BABAM2: variants seen among roughly 807,000 people sequenced by gnomAD.
The protein encoded by BABAM2 is BRISC and BRCA1 A complex member 2, also known as BRISC and BRCA1-A complex member 2.
A neutral mutation model predicts 54.7 loss-of-function variants in BABAM2; 31 were observed. That is an observed-to-expected ratio of 0.57 (90% CI 0.43 to 0.77). The LOEUF (loss-of-function observed/expected upper bound fraction) is 0.77, where lower values mean the gene tolerates loss of function less well. Ranked by LOEUF, BABAM2 falls within the 30% of genes least tolerant of loss-of-function variation. The pLI is 0.00. For synonymous variants in BABAM2, 167 were observed against 162.9 expected (o/e 1.03, Z -0.19); for missense variants, 364 against 455.8 (o/e 0.80, Z 1.83).
intron 11 of BABAM2, among the ~76,000 whole-genome samples, chr2:28,336,782 C>T (rs901403403): frequency 2.6e-5 from 4 of 152,250 alleles, no homozygotes; most frequent in African/African-American, 9.6e-5. Context: ...TGCATTTGCT[C>T]TGCTCCAGAG....
chr2:27,998,804 G>A (rs1001566426), intron 4 of BABAM2, among the ~76,000 whole-genome samples: 1 of 152,140 alleles, frequency 6.6e-6, no homozygotes, highest in African/African-American at 2.4e-5. Context: ...TACTGTCTGT[G>A]AACAAGGCTT....
At chr2:28,055,268 G>A (rs1420781423) in intron 6 of BABAM2, among the ~76,000 whole-genome samples, 5 of 152,178 alleles carry the variant, frequency 3.3e-5, no homozygotes, top group Non-Finnish European at 5.9e-5. Flanking sequence ...ACCCTAGGGT[G>A]GAGGGTGAGA....
chr2:28,073,876 A>T (rs142575919), intron 6 of BABAM2, among the ~76,000 whole-genome samples: 2 of 152,248 alleles, frequency 1.3e-5, no homozygotes, highest in East Asian at 1.9e-4. Context: ...ATATCCATGA[A>T]CACACAGACA....
chr2:28,273,383 G>A (rs1288327753), intron 10 of BABAM2, among the ~76,000 whole-genome samples: 1 of 152,142 alleles, frequency 6.6e-6, no homozygotes, highest in Non-Finnish European at 1.5e-5. Context: ...CAATCTGAAA[G>A]GGGTTAGGGA....
chr2:28,048,377 G>A (rs534878869), intron 6 of BABAM2, among the ~76,000 whole-genome samples: 1 of 152,194 alleles, frequency 6.6e-6, no homozygotes, highest in Non-Finnish European at 1.5e-5. Flanking sequence ...AACATATGTG[G>A]TTCTTACAGG....
chr2:28,065,978 T>TAA (rs756592657), intron 6 of BABAM2, among the ~76,000 whole-genome samples: 12 of 91,882 alleles, frequency 1.3e-4, no homozygotes, highest in South Asian at 1.1e-3. Flanking sequence ...CTGTCTCTAC[T>TAA]AAAAAAAAAA....
At position 28,298,495 on chromosome 2, in the gene BABAM2, A is replaced by G; in HGVS notation, c.1088+4A>G. ...ATGAAATGGCCAAAAGAGCAAAGTA[A>G]GTGAATCTGTCGTTATTTCCAACAG... On this transcript the variant is annotated splice_donor_region_variant and intron_variant, in intron 11 of 11. Transcript: ENST00000379624. The G allele has an allele frequency of 1.2e-6, 2 of 1,614,026 alleles. No homozygotes were observed. The highest frequency in any genetic ancestry group is 1.7e-6 in the Non-Finnish European group (2 of 1,179,966).
At chr2:27,910,745 A>G (rs1178747080) in intron 2 of BABAM2, among the ~76,000 whole-genome samples, 1 of 152,210 alleles carries the variant, frequency 6.6e-6, no homozygotes, top group South Asian at 2.1e-4. Context: ...ATTGTTGCAG[A>G]TAGTTGTAGA....
chr2:28,020,546 T>C (rs1675168950), intron 4 of BABAM2, among the ~76,000 whole-genome samples: 1 of 152,132 alleles, frequency 6.6e-6, no homozygotes, highest in Non-Finnish European at 1.5e-5. Context: ...CTGTGGAAGG[T>C]TGGGAGGGGA....
chr2:28,065,044 C>CTT (rs1679201399), intron 6 of BABAM2, among the ~76,000 whole-genome samples: 1 of 151,798 alleles, frequency 6.6e-6, no homozygotes, highest in South Asian at 2.1e-4. Context: ...GGGCACACAG[C>CTT]TGAAAGTTCA....
At chr2:28,249,464 A>G (rs540279982) in intron 10 of BABAM2, among the ~76,000 whole-genome samples, 12 of 152,136 alleles carry the variant, frequency 7.9e-5, no homozygotes, top group Non-Finnish European at 1.5e-4. Context: ...CAGAGACAGT[A>G]TATGGTTTGC....
intron 4 of BABAM2, chr2:28,013,254 C>G (rs1009048400): frequency 4.8e-6 from 2 of 418,608 alleles, no homozygotes; most frequent in African/African-American, 4.1e-5. Context: ...TTCTGACACC[C>G]TGGCACAAAA....
intron 7 of BABAM2, among the ~76,000 whole-genome samples, chr2:28,186,441 C>T (rs140729701): frequency 2.0e-5 from 3 of 152,088 alleles, no homozygotes; most frequent in East Asian, 3.9e-4. Flanking sequence ...GGGTATCACC[C>T]ACATGGAGAG....
intron 6 of BABAM2, among the ~76,000 whole-genome samples, chr2:28,118,128 A>G (rs932627340): frequency 3.3e-4 from 50 of 152,228 alleles, no homozygotes; most frequent in African/African-American, 1.1e-3. Flanking sequence ...GATGTAGTTC[A>G]ATATGATTCG....
At chr2:28,241,035 G>T (rs1682377229) in intron 8 of BABAM2, among the ~76,000 whole-genome samples, 1 of 152,082 alleles carries the variant, frequency 6.6e-6, no homozygotes, top group Non-Finnish European at 1.5e-5. Context: ...TGGTATTGTG[G>T]TTATGTAGAA....
chr2:28,200,197 T>C (rs1242895464), intron 7 of BABAM2, among the ~76,000 whole-genome samples: 1 of 152,148 alleles, frequency 6.6e-6, no homozygotes, highest in African/African-American at 2.4e-5. Context: ...GACAGGACAT[T>C]GTATTTCTTC....
chr2:28,183,301 C>T (rs1046201665), intron 7 of BABAM2, among the ~76,000 whole-genome samples: 5 of 151,972 alleles, frequency 3.3e-5, no homozygotes, highest in Non-Finnish European at 7.4e-5. Context: ...ATTAGCTGGG[C>T]ATGGTGGTGG....
intron 7 of BABAM2, among the ~76,000 whole-genome samples, chr2:28,211,669 A>G (rs1172356412): frequency 6.6e-6 from 1 of 152,062 alleles, no homozygotes; most frequent in African/African-American, 2.4e-5. Context: ...GATTACAGGC[A>G]TGAGCCATTG....
rs568608434 is a variant in BABAM2, at chr2:27,920,083, T to C, written c.129-9749T>C. On this transcript the variant is annotated intron_variant, in intron 2 of 11. Transcript: ENST00000379624. ...TAGTTTTTAGGCTTTAGAGATAGAA[T>C]GTACTTGATGTATCAAGAATATCAT... Among the ~76,000 whole-genome samples the C allele has an allele frequency of 4.6e-5, 7 of 152,328 alleles. No individual in the cohort carries two copies. In the South Asian group the frequency reaches 1.4e-3, roughly 32 times the overall value.
Sources: gnomAD v4.1 joint callset for allele counts (sites outside exome capture counted in the v4.1 genomes callset) on GRCh38, gnomAD v4.1.1 for gene constraint, MANE v1.5 for transcripts, NCBI Gene and HGNC (gene_info 2026-07-23, HGNC 2026-07-21) for gene names.